Variants in DRC8 observed in about 807,000 individuals in gnomAD.
The protein encoded by DRC8 is dynein regulatory complex subunit 8.
the DRC8 span, among the ~76,000 whole-genome samples, chr1:245,041,022 A>G: frequency 2.3e-4 from 35 of 152,376 alleles, 1 homozygote; most frequent in East Asian, 6.6e-3. Context: ...TAAAGAAAAT[A>G]AAGTAGGATA....
chr1:245,062,484 T>G, the DRC8 span, among the ~76,000 whole-genome samples: 1 of 152,190 alleles, frequency 6.6e-6, no homozygotes, highest in Non-Finnish European at 1.5e-5. Flanking sequence ...CTTCAGGGTA[T>G]GGGAGCTGGG....
At chr1:245,070,196 C>T in the DRC8 span, among the ~76,000 whole-genome samples, 2 of 152,146 alleles carry the variant, frequency 1.3e-5, no homozygotes, top group African/African-American at 4.8e-5. Flanking sequence ...CAGAGGGACA[C>T]CTATACTAAT....
At chr1:245,117,748 C>T in the DRC8 span, among the ~76,000 whole-genome samples, 736 of 152,198 alleles carry the variant, frequency 4.8e-3, 6 homozygotes, top group African/African-American at 0.016. Context: ...GCAAGCGGAT[C>T]GCTTGAGGCC....
chr1:245,027,688 T>C, the DRC8 span, among the ~76,000 whole-genome samples: 3 of 152,172 alleles, frequency 2.0e-5, no homozygotes, highest in East Asian at 1.9e-4. Flanking sequence ...CAACCCCCAA[T>C]TTATCTTAGG....
chr1:245,068,933 A>G, the DRC8 span, among the ~76,000 whole-genome samples: 3 of 152,222 alleles, frequency 2.0e-5, no homozygotes, highest in Non-Finnish European at 4.4e-5. Context: ...TCACTCAGAC[A>G]CAACCAGAAT....
At chr1:245,061,034 A>G in the DRC8 span, among the ~76,000 whole-genome samples, 1 of 65,324 alleles carries the variant, frequency 1.5e-5, no homozygotes, top group Non-Finnish European at 4.1e-5. Flanking sequence ...GCCTTTGCAG[A>G]AAAAGGTTGC....
chr1:244,974,807 G>A, the DRC8 span, among the ~76,000 whole-genome samples: 3 of 152,044 alleles, frequency 2.0e-5, no homozygotes, highest in African/African-American at 4.8e-5. Flanking sequence ...CGATTCCCCC[G>A]ACCTCAGCCT....
the DRC8 span, among the ~76,000 whole-genome samples, chr1:244,979,557 T>C: frequency 0.68 from 102,529 of 151,366 alleles, 36,147 homozygotes; most frequent in East Asian, 1. Flanking sequence ...CCGCCTGCCT[T>C]GGCCTCCCAA....
chr1:245,011,053 C>A, the DRC8 span, among the ~76,000 whole-genome samples: 1 of 152,046 alleles, frequency 6.6e-6, no homozygotes, highest in African/African-American at 2.4e-5. Context: ...ATTTTGAAAT[C>A]TTTGCATATA....
At chr1:244,996,408 G>A in the DRC8 span, among the ~76,000 whole-genome samples, 1 of 152,170 alleles carries the variant, frequency 6.6e-6, no homozygotes, top group African/African-American at 2.4e-5. Flanking sequence ...ATGTGTGAAA[G>A]CCAGGAGGCG....
At chr1:245,002,939 T>C in the DRC8 span, among the ~76,000 whole-genome samples, 2 of 152,126 alleles carry the variant, frequency 1.3e-5, no homozygotes, top group African/African-American at 4.8e-5. Context: ...TCTGTGCCCA[T>C]TAATCAATAA....
the DRC8 span, among the ~76,000 whole-genome samples, chr1:245,100,138 A>C: frequency 6.6e-6 from 1 of 152,144 alleles, no homozygotes; most frequent in African/African-American, 2.4e-5. Flanking sequence ...TAATCCCAGC[A>C]CTTTGGGAGG....
At chr1:244,981,531 C>A in the DRC8 span, among the ~76,000 whole-genome samples, 1 of 152,090 alleles carries the variant, frequency 6.6e-6, no homozygotes, top group Admixed American at 6.6e-5. Flanking sequence ...ACCCGCTTTC[C>A]ACAAGTAAGG....
the DRC8 span, among the ~76,000 whole-genome samples, chr1:245,006,902 C>G: frequency 6.6e-6 from 1 of 152,062 alleles, no homozygotes; most frequent in East Asian, 1.9e-4. Context: ...CCAGTGAATT[C>G]CAGCCTGGGC....
chr1:244,979,741 C>T, the DRC8 span, among the ~76,000 whole-genome samples: 1 of 151,850 alleles, frequency 6.6e-6, no homozygotes, highest in Non-Finnish European at 1.5e-5. Context: ...GACTCCCAGC[C>T]CCAGGCTTAT....
chr1:245,113,121 C>CCT, the DRC8 span, among the ~76,000 whole-genome samples: 1 of 152,162 alleles, frequency 6.6e-6, no homozygotes, highest in African/African-American at 2.4e-5. Flanking sequence ...ATACACCTTA[C>CCT]CTTGGTCCTT....
chr1:244,971,566 C>T, the DRC8 span, among the ~76,000 whole-genome samples: 6 of 152,334 alleles, frequency 3.9e-5, no homozygotes, highest in South Asian at 1.2e-3. Flanking sequence ...TCCAAAAAGC[C>T]ATGAAACAGT....
the DRC8 span, among the ~76,000 whole-genome samples, chr1:245,006,151 T>C: frequency 1.3e-5 from 2 of 152,200 alleles, no homozygotes; most frequent in Non-Finnish European, 2.9e-5. Context: ...TGGAGGATTT[T>C]AAACCAGACG....
chr1:244,974,517 C>T, the DRC8 span, among the ~76,000 whole-genome samples: 1 of 152,136 alleles, frequency 6.6e-6, no homozygotes, highest in South Asian at 2.1e-4. Context: ...AGAGGTTTTA[C>T]AAGGTTTGTT....
Sources: gnomAD v4.1 joint callset for allele counts (sites outside exome capture counted in the v4.1 genomes callset) on GRCh38, gnomAD v4.1.1 for gene constraint, MANE v1.5 for transcripts, NCBI Gene and HGNC (gene_info 2026-07-23, HGNC 2026-07-21) for gene names.